RPRD2: variants seen among roughly 807,000 people sequenced by gnomAD.
RPRD2 encodes the protein regulation of nuclear pre-mRNA domain containing 2.
Under a neutral mutation model 104.4 loss-of-function variants are expected in RPRD2, and 12 were observed. The observed-to-expected ratio is 0.11, with a 90% CI of 0.07 to 0.19. The LOEUF is 0.19. Among genes scored for constraint, RPRD2 ranks in the 10% least tolerant of loss-of-function variants. RPRD2 has a pLI of 1.00. For synonymous variants in RPRD2, 714 were observed against 684.9 expected (o/e 1.04, Z -0.66); for missense variants, 1,543 against 1,790.1 (o/e 0.86, Z 2.49).
intron 1 of RPRD2, among the ~76,000 whole-genome samples, chr1:150,387,825 G>T (rs1219326387): frequency 6.6e-6 from 1 of 150,582 alleles, no homozygotes; most frequent in Non-Finnish European, 1.5e-5. Context: ...CCTGACCTCA[G>T]GTGATTTGCC....
intron 10 of RPRD2, among the ~76,000 whole-genome samples, chr1:150,466,011 CAAAAAAAAAAA>C (rs71578500): frequency 1.6e-4 from 11 of 69,262 alleles, no homozygotes; most frequent in African/African-American, 4.2e-4. Flanking sequence ...AGACTCAGTC[CAAAAAAAAAAA>C]AAAAAAAAAA....
chr1:150,434,471 A>C (rs1414334700), intron 2 of RPRD2, among the ~76,000 whole-genome samples: 1 of 152,174 alleles, frequency 6.6e-6, no homozygotes, highest in African/African-American at 2.4e-5. Context: ...AAGTTTAGGA[A>C]CGTTAAGTAT....
intron 1 of RPRD2, among the ~76,000 whole-genome samples, chr1:150,399,520 G>A (rs1191461380): frequency 6.6e-6 from 1 of 152,228 alleles, no homozygotes; most frequent in East Asian, 1.9e-4. Flanking sequence ...ATTTTGGGAG[G>A]CTGAGGCGGG....
In RPRD2 at chr1:150,471,484, A is replaced by G. The variant is rs137929036; in HGVS notation, c.2536A>G (p.Met846Val). Reference protein sequence around the residue: ...FEYSGPPPSAMMNLEKKPAKS... With the variant: ...FEYSGPPPSAVMNLEKKPAKS... ...GTATTCAGGGCCTCCACCCTCTGCC[A>G]TGATGAACCTAGAGAAGAAACCAGC... The change falls in exon 11 of 11, where the codon ATG becomes GTG. Residue 846 changes from methionine (M) to valine (V), a missense_variant. By Grantham distance (21) the Met-to-Val change is conservative. Around this residue, in one of 4 missense-constraint regions of RPRD2, gnomAD observed 880 missense variants for 885.6 expected, o/e 0.99. Coordinates refer to ENST00000369068, the MANE Select transcript of RPRD2 (RefSeq NM_015203.5). The surrounding 1 kb of genome is among the most constrained non-coding windows in gnomAD (Gnocchi z 5.3). The G allele has an allele frequency of 5.8e-5, 94 of 1,613,874 alleles. 1 individual carries two copies. In the East Asian group the frequency reaches 2.1e-3, roughly 35 times the overall value.
intron 1 of RPRD2, among the ~76,000 whole-genome samples, chr1:150,401,984 CAG>C (rs1360415642): frequency 3.0e-5 from 4 of 132,900 alleles, no homozygotes; most frequent in African/African-American, 5.7e-5. Context: ...TTTTTTGAGA[CAG>C]AGTCTCACTG....
At chr1:150,455,709 A>G (rs1183960852) in intron 7 of RPRD2, among the ~76,000 whole-genome samples, 1 of 152,192 alleles carries the variant, frequency 6.6e-6, no homozygotes, top group African/African-American at 2.4e-5. Context: ...TAATGTGACA[A>G]ATGTATCATA....
At chr1:150,417,317 A>G (rs1664419062) in intron 1 of RPRD2, among the ~76,000 whole-genome samples, 1 of 152,150 alleles carries the variant, frequency 6.6e-6, no homozygotes, top group South Asian at 2.1e-4. Context: ...ACAGAAACTT[A>G]ACGTGAAGTA....
chr1:150,406,961 C>G (rs1291589378), intron 1 of RPRD2, among the ~76,000 whole-genome samples: 1 of 152,014 alleles, frequency 6.6e-6, no homozygotes, highest in Non-Finnish European at 1.5e-5. Context: ...GTGATCCGCC[C>G]GCCTCGGCCT....
intron 1 of RPRD2, among the ~76,000 whole-genome samples, chr1:150,407,612 AT>A (rs1330932528): frequency 6.6e-6 from 1 of 152,122 alleles, no homozygotes; most frequent in Non-Finnish European, 1.5e-5. Context: ...TGGCACTCAG[AT>A]TTTCTACGTA....
In RPRD2 at chr1:150,474,233, T is replaced by C. The variant is rs1353274370; in HGVS notation, c.*899T>C. The C allele has an allele frequency of 6.6e-6, 1 of 152,204 alleles. No homozygotes were observed. Among genetic ancestry groups the C allele is most frequent in the African/African-American group, 2.4e-5 (1 of 41,448 alleles). The allele number at this position is 152,204 out of a possible 1,614,324, so 9.4% of individuals were successfully genotyped here. ...TTGATACAAAGGTGCAACAGAAATA[T>C]TATCCCTGCATTTTTAAATATAAGA... On this transcript the variant is annotated 3_prime_UTR_variant, in exon 11 of 11. Transcript: ENST00000369068.
chr1:150,383,316 T>G (rs1222058017), intron 1 of RPRD2, among the ~76,000 whole-genome samples: 8 of 150,134 alleles, frequency 5.3e-5, no homozygotes, highest in Non-Finnish European at 5.9e-5. Context: ...GTTTTTTTTT[T>G]TTTTTTTTTT....
At chr1:150,374,363 TTG>T (rs1553879072) in intron 1 of RPRD2, among the ~76,000 whole-genome samples, 1 of 152,194 alleles carries the variant, frequency 6.6e-6, no homozygotes, top group Non-Finnish European at 1.5e-5. Flanking sequence ...CTGGTGTTCA[TTG>T]GTGTCCTTTG....
At chr1:150,452,183 T>A (rs976281610) in intron 7 of RPRD2, among the ~76,000 whole-genome samples, 2 of 145,762 alleles carry the variant, frequency 1.4e-5, no homozygotes, top group East Asian at 3.9e-4. Context: ...ACTGAGAAAC[T>A]GGACAAAAGC....
intron 1 of RPRD2, among the ~76,000 whole-genome samples, chr1:150,399,400 C>T (rs1475131717): frequency 6.6e-6 from 1 of 152,178 alleles, no homozygotes; most frequent in Non-Finnish European, 1.5e-5. Context: ...TGTTCGAGCA[C>T]CATTTATTGA....
intron 2 of RPRD2, among the ~76,000 whole-genome samples, chr1:150,437,753 T>C (rs1553893469): frequency 6.6e-6 from 1 of 151,904 alleles, no homozygotes; most frequent in East Asian, 1.9e-4. Flanking sequence ...CAAGTTTTTG[T>C]ATTTTTTGCA....
At position 150,471,710 on chromosome 1, in the gene RPRD2, A is replaced by G; in HGVS notation, c.2762A>G (p.Asn921Ser). ...TTTGGTGCCTTCAGCGTAAGAGGGAATGAACCTGGGTCTGACCGGTCACCA... is the reference window on the plus strand; with the variant it reads ...TTTGGTGCCTTCAGCGTAAGAGGGAGTGAACCTGGGTCTGACCGGTCACCA... Reference protein sequence around the residue: ...GLFGAFSVRGNEPGSDRSPSP... With the variant: ...GLFGAFSVRGSEPGSDRSPSP... The change falls in exon 11 of 11, where the codon AAT becomes AGT. Residue 921 changes from asparagine (N) to serine (S), a missense_variant. Asn to Ser is a conservative substitution (Grantham distance 46). Coordinates refer to ENST00000369068, the MANE Select transcript of RPRD2 (RefSeq NM_015203.5). This position sits in a 1 kb window ranked among gnomAD's most constrained non-coding sequence, Gnocchi z 5.3. 6.2e-7 allele frequency: 1 copy of G among 1,613,922 alleles called. No homozygotes were observed. The highest frequency in any genetic ancestry group is 8.5e-7 in the Non-Finnish European group (1 of 1,179,870).
intron 8 of RPRD2, among the ~76,000 whole-genome samples, chr1:150,458,491 T>C (rs988364823): frequency 6.6e-6 from 1 of 151,100 alleles, no homozygotes; most frequent in Non-Finnish European, 1.5e-5. Context: ...GTCCAGAAAC[T>C]AGGCCGAGCA....
Position 150,387,471 on chromosome 1 carries a change from T to C in RPRD2, c.205+22552T>C, listed in dbSNP as rs587616983. ...GAGCATGATTGTACTGGGTTGCAGG[T>C]GAAACTGTACTGTTTCTAGTCATGT... On this transcript the variant is annotated intron_variant, in intron 1 of 10. Transcript: ENST00000369068. Among the ~76,000 whole-genome samples, 3 of 150,058 alleles carry C rather than the reference T, an allele frequency of 2.0e-5. No homozygotes were observed. The East Asian group carries it at 5.9e-4, about 30-fold the overall frequency.
intron 1 of RPRD2, among the ~76,000 whole-genome samples, chr1:150,386,595 T>C (rs191824545): frequency 7.2e-4 from 110 of 152,334 alleles, no homozygotes; most frequent in African/African-American, 2.5e-3. Context: ...TCATGACTTT[T>C]CTTTGCTTCT....
Sources: allele counts gnomAD v4.1 joint callset (sites outside exome capture counted in the v4.1 genomes callset), GRCh38; gene constraint gnomAD v4.1.1; regional missense constraint gnomAD v4.1.1; non-coding constraint Gnocchi (gnomAD v3.1); transcripts MANE v1.5; gene names NCBI Gene and HGNC (gene_info 2026-07-23, HGNC 2026-07-21).